OR3A2: variants seen among roughly 807,000 people sequenced by gnomAD.
The protein encoded by OR3A2 is olfactory receptor family 3 subfamily A member 2, also known as olfactory receptor 3A2.
For synonymous variants in OR3A2, 126 were observed against 159.3 expected, an observed-to-expected ratio of 0.79 and a Z score of 1.57; for missense variants, 318 against 392.8, an observed-to-expected ratio of 0.81 and a Z score of 1.61.
At chr17:3,294,329 C>A (rs922249440) in intron 3 of OR3A2, among the ~76,000 whole-genome samples, 9 of 150,998 alleles carry the variant, frequency 6.0e-5, no homozygotes, top group Admixed American at 1.3e-4. Flanking sequence ...ATTACTATAC[C>A]AAAAAAACCA....
chr17:3,367,369 C>A (rs1467437762), intron 2 of OR3A2, among the ~76,000 whole-genome samples: 1 of 151,848 alleles, frequency 6.6e-6, no homozygotes, highest in East Asian at 1.9e-4. Context: ...CCCCTCCCAC[C>A]CTTCCCTCCC....
chr17:3,325,016 G>A (rs2049158800), intron 3 of OR3A2, among the ~76,000 whole-genome samples: 2 of 151,874 alleles, frequency 1.3e-5, no homozygotes, highest in Non-Finnish European at 2.9e-5. Context: ...TGTCTTTGCT[G>A]TTATGCTTGA....
At chr17:3,316,842 C>A (rs1298159821) in intron 3 of OR3A2, among the ~76,000 whole-genome samples, 1 of 152,200 alleles carries the variant, frequency 6.6e-6, no homozygotes, top group East Asian at 1.9e-4. Context: ...AAAGGCAGTA[C>A]AGTTGAATGA....
intron 1 of OR3A2, among the ~76,000 whole-genome samples, chr17:3,281,783 G>C (rs551453694): frequency 6.6e-6 from 1 of 152,094 alleles, no homozygotes; most frequent in Admixed American, 6.5e-5. Context: ...TTCCAGCCTC[G>C]ATTTCCAACT....
At chr17:3,324,470 T>C (rs767498879) in intron 3 of OR3A2, among the ~76,000 whole-genome samples, 5 of 152,116 alleles carry the variant, frequency 3.3e-5, no homozygotes, top group Non-Finnish European at 5.9e-5. Context: ...CTGCTCTGTT[T>C]TCTCCCCATC....
rs530990024 is a variant in OR3A2, at chr17:3,348,405, C to T, written c.-178-12279G>A. Among the ~76,000 whole-genome samples, 12 of 151,834 alleles carry T rather than the reference C, an allele frequency of 7.9e-5. No homozygotes were observed. The East Asian group carries it at 1.9e-3, about 25-fold the overall frequency. ...TCTAACGAAGCCTCAGGAGCCGATG[C>T]GATCAACTGGAAGAAAGGGTATCAG... On this transcript the variant is annotated intron_variant, in intron 2 of 4. Transcript: ENST00000573491.
chr17:3,362,917 G>T (rs1409086771), intron 2 of OR3A2, among the ~76,000 whole-genome samples: 1 of 151,858 alleles, frequency 6.6e-6, no homozygotes, highest in East Asian at 1.9e-4. Flanking sequence ...TGAAACAATG[G>T]CCTGAGCTGT....
chr17:3,286,635 G>A (rs57990552), upstream of OR3A2, among the ~76,000 whole-genome samples: 12,358 of 152,058 alleles, frequency 0.081, 793 homozygotes, highest in African/African-American at 0.16. Context: ...GTGTGAGATG[G>A]TATCTCATTG....
chr17:3,332,644 C>A (rs554362623), intron 3 of OR3A2, among the ~76,000 whole-genome samples: 269 of 152,316 alleles, frequency 1.8e-3, no homozygotes, highest in African/African-American at 6.2e-3. Flanking sequence ...GATGGAAATG[C>A]AGAAATCACC....
At chr17:3,323,808 A>C (rs573882754) in intron 3 of OR3A2, among the ~76,000 whole-genome samples, 1 of 151,880 alleles carries the variant, frequency 6.6e-6, no homozygotes, top group African/African-American at 2.4e-5. Context: ...CTTCATTTCA[A>C]CTTTGGTGAA....
chr17:3,376,181 G>A (rs2049681677), intron 2 of OR3A2, among the ~76,000 whole-genome samples: 1 of 152,228 alleles, frequency 6.6e-6, no homozygotes, highest in Admixed American at 6.5e-5. Context: ...CTTTGGAGCA[G>A]GTTTGTTCCT....
At chr17:3,290,078 G>A (rs190058650) in intron 3 of OR3A2, among the ~76,000 whole-genome samples, 21 of 152,170 alleles carry the variant, frequency 1.4e-4, no homozygotes, top group African/African-American at 4.3e-4. Context: ...CCTCTGTTTA[G>A]AGAAAGAGAA....
intron 2 of OR3A2, among the ~76,000 whole-genome samples, chr17:3,354,940 G>A (rs2049452555): frequency 6.6e-6 from 1 of 150,982 alleles, no homozygotes; most frequent in African/African-American, 2.5e-5. Flanking sequence ...TATCCCATAG[G>A]TTTTGGTATG....
exon 2 of OR3A2, chr17:3,278,179 G>A: frequency 1.2e-6 from 2 of 1,614,226 alleles, no homozygotes; most frequent in South Asian, 2.2e-5. Context: ...ACGGTGAGGT[G>A]GGAGCCACAC....
intron 2 of OR3A2, among the ~76,000 whole-genome samples, chr17:3,374,399 CTT>C (rs2049661528): frequency 6.6e-6 from 1 of 152,140 alleles, no homozygotes; most frequent in Non-Finnish European, 1.5e-5. Flanking sequence ...GTTTTCCAAA[CTT>C]TTAGATTTCA....
chr17:3,341,817 C>T (rs1449674049), intron 2 of OR3A2, among the ~76,000 whole-genome samples: 1 of 152,096 alleles, frequency 6.6e-6, no homozygotes, highest in Non-Finnish European at 1.5e-5. Flanking sequence ...GACTGCCTTG[C>T]TAGGTTGGGG....
At chr17:3,375,599 G>A (rs1340226098) in intron 2 of OR3A2, among the ~76,000 whole-genome samples, 1 of 152,078 alleles carries the variant, frequency 6.6e-6, no homozygotes, top group East Asian at 1.9e-4. Flanking sequence ...ACCGTGCCTG[G>A]CCCAGTAATT....
intron 2 of OR3A2, among the ~76,000 whole-genome samples, chr17:3,339,445 G>A (rs765365231): frequency 5.9e-5 from 9 of 152,278 alleles, no homozygotes; most frequent in South Asian, 2.1e-4. Context: ...TTTGAGATAC[G>A]TTCCATCAGT....
intron 3 of OR3A2, among the ~76,000 whole-genome samples, chr17:3,331,291 A>C (rs2049230826): frequency 1.3e-5 from 2 of 152,036 alleles, no homozygotes; most frequent in South Asian, 4.2e-4. Context: ...GTTCTCCTGG[A>C]TAACATCCTG....
Sources: allele counts gnomAD v4.1 joint callset (sites outside exome capture counted in the v4.1 genomes callset), GRCh38; gene constraint gnomAD v4.1.1; transcripts MANE v1.5; gene names NCBI Gene and HGNC (gene_info 2026-07-23, HGNC 2026-07-21).